The following RYR2 variants were observed in gnomAD, a reference collection of about 807,000 sequenced individuals.
RYR2 encodes the protein cardiac muscle ryanodine receptor-calcium release channel.
RYR2 carries 227 observed loss-of-function variants against 601.1 expected under a neutral mutation model. The ratio of observed to expected loss-of-function variants is 0.38; its 90% CI spans 0.34 to 0.42. The LOEUF (loss-of-function observed/expected upper bound fraction) is 0.42. RYR2 is among the 10% of genes least tolerant of loss of function. The pLI is 1.00. For missense variants in RYR2, 4,646 were observed against 6,156.5 expected (o/e 0.75, Z 8.21); for synonymous variants, 2,223 against 2,175.1 (o/e 1.02, Z -0.61).
chr1:237,096,371 A>G (rs573752019), intron 1 of RYR2, among the ~76,000 whole-genome samples: 12 of 152,092 alleles, frequency 7.9e-5, no homozygotes, highest in Admixed American at 3.3e-4. Context: ...TAAATTGTGA[A>G]CCTTCTCCTT....
chr1:237,193,132 C>T (rs1474912979), intron 1 of RYR2, among the ~76,000 whole-genome samples: 1 of 126,758 alleles, frequency 7.9e-6, no homozygotes, highest in Admixed American at 9.4e-5. Flanking sequence ...ACCATCCTGG[C>T]TAACATGGTG....
chr1:237,809,489 G>A (rs993032499), intron 100 of RYR2, among the ~76,000 whole-genome samples: 4 of 151,846 alleles, frequency 2.6e-5, no homozygotes, highest in African/African-American at 9.7e-5. Flanking sequence ...GTCTTTTTTG[G>A]TCTTGGTTTT....
At chr1:237,230,047 G>A (rs1351336742) in intron 1 of RYR2, among the ~76,000 whole-genome samples, 3 of 152,032 alleles carry the variant, frequency 2.0e-5, no homozygotes, top group Non-Finnish European at 4.4e-5. Flanking sequence ...GTCCTCATAT[G>A]TGTTTTCCAT....
chr1:237,511,296 CAAAAA>C (rs764004466), intron 23 of RYR2, among the ~76,000 whole-genome samples: 1 of 88,224 alleles, frequency 1.1e-5, no homozygotes, highest in African/African-American at 3.9e-5. Context: ...GTGTATGGAC[CAAAAA>C]AAAAAAAAAA....
rs141111895 is a variant in RYR2 at position 237,724,039 on chromosome 1, T to C, written c.10689+777T>C. On this transcript the variant is annotated intron_variant, in intron 74 of 104. Transcript: ENST00000366574. ...AAATAATCACAGTGAAGAAGCTCAT[T>C]GTAACTTGACCATCTGATCTGTCAC... 1.0e-3 allele frequency among the ~76,000 whole-genome samples: 155 copies of C among 151,950 alleles called. 1 individual carries two copies. The highest frequency in any genetic ancestry group is 3.0e-3 in the African/African-American group (124 of 41,484).
At chr1:237,518,709 C>T (rs1389645990) in intron 24 of RYR2, among the ~76,000 whole-genome samples, 7 of 152,212 alleles carry the variant, frequency 4.6e-5, no homozygotes, top group South Asian at 2.1e-4. Flanking sequence ...TGAATAGTGC[C>T]GCAATAAACA....
At chr1:237,150,479 C>G (rs1024835598) in intron 1 of RYR2, among the ~76,000 whole-genome samples, 2 of 152,108 alleles carry the variant, frequency 1.3e-5, no homozygotes, top group African/African-American at 2.4e-5. Flanking sequence ...TAACCTAATA[C>G]CTGGCATGTG....
At chr1:237,709,396 T>C in intron 69 of RYR2, 84 bp from the exon 70 acceptor site, 1 of 904,732 alleles carries the variant, frequency 1.1e-6, no homozygotes, top group Non-Finnish European at 1.7e-6. Flanking sequence ...GGTCAGTACA[T>C]TTAACTTTGG....
chr1:237,413,882 T>G (rs1024494241), intron 10 of RYR2, among the ~76,000 whole-genome samples: 1 of 152,152 alleles, frequency 6.6e-6, no homozygotes, highest in Non-Finnish European at 1.5e-5. Context: ...GTTCAAAGTT[T>G]ACCTGTGAAT....
At chr1:237,660,218 CCTT>C (rs1683647111) in intron 55 of RYR2, 144 bp downstream of exon 55, 1 of 432,694 alleles carries the variant, frequency 2.3e-6, no homozygotes, top group Non-Finnish European at 3.9e-6. Flanking sequence ...AAAAAAAAAA[CCTT>C]CTTATATTTT....
chr1:237,506,275 C>T (rs1277457522), intron 22 of RYR2, among the ~76,000 whole-genome samples: 1 of 151,832 alleles, frequency 6.6e-6, no homozygotes, highest in African/African-American at 2.4e-5. Context: ...CAGTGGCTCA[C>T]GCCTGTAATC....
intron 17 of RYR2, among the ~76,000 whole-genome samples, chr1:237,474,361 C>T (rs1661167204): frequency 6.6e-6 from 1 of 151,410 alleles, no homozygotes; most frequent in African/African-American, 2.4e-5. Context: ...GGGTTTGAAA[C>T]AGTTTCAGTT....
chr1:237,229,498 G>C (rs986731300), intron 1 of RYR2, among the ~76,000 whole-genome samples: 1 of 152,152 alleles, frequency 6.6e-6, no homozygotes, highest in Non-Finnish European at 1.5e-5. Context: ...TTGGAAGGCT[G>C]TAAACATCCC....
intron 100 of RYR2, among the ~76,000 whole-genome samples, chr1:237,810,598 T>C (rs1661146459): frequency 6.6e-6 from 1 of 152,150 alleles, no homozygotes; most frequent in African/African-American, 2.4e-5. Context: ...CTTTGACCTA[T>C]TAATTCCACT....
chr1:237,236,120 A>T (rs936051017), intron 1 of RYR2, among the ~76,000 whole-genome samples: 2 of 152,172 alleles, frequency 1.3e-5, no homozygotes, highest in African/African-American at 4.8e-5. Context: ...TCACTTACAA[A>T]TTGGGAAGTG....
intron 104 of RYR2, among the ~76,000 whole-genome samples, 189 bp downstream of exon 104, chr1:237,831,754 G>A (rs1663817109): frequency 1.3e-5 from 2 of 152,168 alleles, no homozygotes; most frequent in African/African-American, 4.8e-5. Context: ...GTAGAATTCT[G>A]TACTAAGTTT....
intron 101 of RYR2, among the ~76,000 whole-genome samples, chr1:237,820,490 G>A (rs1320049416): frequency 6.6e-6 from 1 of 152,152 alleles, no homozygotes; most frequent in African/African-American, 2.4e-5. Context: ...GTGCACTCCA[G>A]CCCAGATACC....
Position 237,628,069 on chromosome 1 carries a change from T to A in RYR2, c.6429T>A (p.Ile2143=), listed in dbSNP as rs2148667697. ...GCAAAGAAGAAGAGAAGCTCATGAT[T>A]CGTGGATTAGGGTAAATTATTTAAC... The part of the protein sequence containing the change: ...RMGKEEEKLM[I]RGLGDIMNNK... Residue 2143 remains isoleucine (I), a synonymous_variant, in exon 41 of 105, where the codon ATT becomes ATA. Transcript: ENST00000366574. 6.2e-7 allele frequency: 1 copy of A among 1,613,682 alleles called. No homozygotes were observed. Among genetic ancestry groups the A allele is most frequent in the African/African-American group, 1.3e-5 (1 of 75,046 alleles).
intron 13 of RYR2, among the ~76,000 whole-genome samples, chr1:237,443,356 T>C (rs1275134964): frequency 6.6e-6 from 1 of 152,186 alleles, no homozygotes; most frequent in East Asian, 1.9e-4. Context: ...CTGAGGACAG[T>C]TGAAATTGTT....
Sources: gnomAD v4.1 joint callset for allele counts (sites outside exome capture counted in the v4.1 genomes callset) on GRCh38, gnomAD v4.1.1 for gene constraint, MANE v1.5 for transcripts, NCBI Gene and HGNC (gene_info 2026-07-23, HGNC 2026-07-21) for gene names.